The following SRCAP variants were observed in gnomAD, a reference collection of about 807,000 sequenced individuals.
SRCAP encodes the protein Snf2 related CREBBP activator protein.
In SRCAP, 46 loss-of-function variants were observed where a neutral mutation model predicts 263.1. The observed-to-expected ratio is 0.17, with a 90% CI of 0.14 to 0.22. The LOEUF (loss-of-function observed/expected upper bound fraction) is 0.22, where lower values mean the gene tolerates loss of function less well. SRCAP is among the 10% of genes least tolerant of loss of function. The pLI is 1.00. For missense variants in SRCAP, 3,695 were observed against 4,181.9 expected (o/e 0.88, Z 3.21); for synonymous variants, 1,813 against 1,662.1 (o/e 1.09, Z -2.21).
Position 30,721,316 on chromosome 16 carries a change from G to A in SRCAP, c.3381G>A (p.Leu1127=), listed in dbSNP as rs1278451973. ...SPAPPPGSSS[L]LKPLTVPPGY... ...CCCCACCTCCAGGCTCCTCTAGCCT[G>A]TTGAAGCCCCTGACAGTGCCACCAG... The change falls in exon 21 of 34, where the codon CTG becomes CTA. Residue 1127 remains leucine, a synonymous_variant. Transcript: ENST00000262518. The A allele has an allele frequency of 6.2e-7, 1 of 1,614,158 alleles. No homozygotes were observed. The highest frequency in any genetic ancestry group is 1.1e-5 in the South Asian group (1 of 91,088).
In SRCAP at chr16:30,721,285, G is replaced by A. The variant is rs1197958090; in HGVS notation, c.3350G>A (p.Ser1117Asn). 2 of 1,614,124 alleles carry A rather than the reference G, an allele frequency of 1.2e-6. No homozygotes were observed. Among genetic ancestry groups the A allele is most frequent in the Admixed American group, 1.7e-5 (1 of 60,030 alleles). Residue 1117 changes from serine to asparagine, a missense_variant, in exon 21 of 34, where the codon AGC becomes AAC. This residue lies in a region of SRCAP where 1,347 missense variants were observed against 1,304.4 expected (regional missense o/e 1.03). Coordinates refer to ENST00000262518, the MANE Select transcript of SRCAP (RefSeq NM_006662.3). ...ACACCACCTGCCCCAGTTCGCCTGA[G>A]CCCAGCCCCACCTCCAGGCTCCTCT... ...KPTPPAPVRL[S>N]PAPPPGSSSL...
chr16:30,718,196 G>T (rs563389555), intron 18 of SRCAP, among the ~76,000 whole-genome samples: 1 of 151,850 alleles, frequency 6.6e-6, no homozygotes, highest in East Asian at 1.9e-4. Flanking sequence ...GGGTGGGGGG[G>T]GCAGAGTTCT....
chr16:30,699,255 C>T lies in SRCAP; in HGVS notation c.-284+13C>T. ...TTGTTGGCTTCTGGTGAGCTCGGGT[C>T]TTGGGAACGTGTGGCGGAGTAGGGA... On this transcript the variant is annotated intron_variant, in intron 1 of 33. Coordinates refer to ENST00000262518, the MANE Select transcript of SRCAP (RefSeq NM_006662.3). 2.5e-6 allele frequency: 1 copy of T among 398,634 alleles called. No individual in the cohort carries two copies. 24.7% of individuals were successfully genotyped at this position (398,634 alleles called of 1,614,324 possible). A position where few individuals can be genotyped will look rare whatever the true frequency, so the allele number is the denominator to read the frequency against.
chr16:30,708,118 C>T (rs988288555), intron 6 of SRCAP, among the ~76,000 whole-genome samples: 2 of 152,206 alleles, frequency 1.3e-5, no homozygotes, highest in Non-Finnish European at 2.9e-5. Flanking sequence ...ACTCCACACC[C>T]ACCTTTCTTT....
Position 30,723,666 on chromosome 16 carries a change from A to G in SRCAP, c.4242A>G (p.Pro1414=). The G allele has an allele frequency of 6.2e-7, 1 of 1,613,550 alleles. No individual in the cohort carries two copies. Among genetic ancestry groups the G allele is most frequent in the South Asian group, 1.1e-5 (1 of 91,056 alleles). Residue 1414 remains proline, a synonymous_variant, in exon 25 of 34, where the codon CCA becomes CCG. Coordinates refer to ENST00000262518, the MANE Select transcript of SRCAP (RefSeq NM_006662.3). Reference sequence around the variant, plus strand: ...CCCTCCCTGGGCCAGCCTCTTCTCCAATGCCAATTCCCAACTCCTCTCCCC... The same window carrying G: ...CCCTCCCTGGGCCAGCCTCTTCTCCGATGCCAATTCCCAACTCCTCTCCCC... ...PSSLPGPASS[P]MPIPNSSPLA...
intron 14 of SRCAP, 47 bp from the exon 15 acceptor site, chr16:30,713,161 C>A: frequency 1.3e-6 from 2 of 1,587,242 alleles, no homozygotes; most frequent in African/African-American, 1.3e-5. Flanking sequence ...CCTTTGCTCT[C>A]TTCTTTTCAT....
At chr16:30,717,674 G>T (rs2052965821) in intron 18 of SRCAP, among the ~76,000 whole-genome samples, 1 of 139,600 alleles carries the variant, frequency 7.2e-6, no homozygotes, top group African/African-American at 2.8e-5. Flanking sequence ...GTGCAGTGGT[G>T]CCATCTTGGC....
chr16:30,721,296 C>A lies in SRCAP; in HGVS notation c.3361C>A (p.Pro1121Thr). The A allele has an allele frequency of 6.2e-7, 1 of 1,614,220 alleles. No homozygotes were observed. Among genetic ancestry groups the A allele is most frequent in the East Asian group, 2.2e-5 (1 of 44,890 alleles). ...CCCAGTTCGCCTGAGCCCAGCCCCA[C>A]CTCCAGGCTCCTCTAGCCTGTTGAA... Reference protein sequence around the residue: ...PAPVRLSPAPPPGSSSLLKPL... With the variant: ...PAPVRLSPAPTPGSSSLLKPL... Residue 1121 changes from proline (P) to threonine (T), a missense_variant, in exon 21 of 34, where the codon CCT becomes ACT. Physicochemically the swap from Pro to Thr is conservative, Grantham distance 38. Transcript: ENST00000262518.
chr16:30,725,202 C>G, intron 25 of SRCAP, 120 bp downstream of exon 25: 1 of 1,469,304 alleles, frequency 6.8e-7, no homozygotes, highest in Non-Finnish European at 9.0e-7. Flanking sequence ...TGTTATGGAC[C>G]AAGTACTTGA....
chr16:30,735,567 CT>C (rs10663863), intron 31 of SRCAP, among the ~76,000 whole-genome samples: 10 of 69,594 alleles, frequency 1.4e-4, no homozygotes, highest in Admixed American at 6.8e-4. Context: ...TTTGACATTA[CT>C]TTTTTTTTTT....
At position 30,739,851 on chromosome 16, in the gene SRCAP, C is replaced by T. The variant is rs2053207642; in HGVS notation, c.*118C>T. ...GAAAGCCTCCAGGGAGACATAGGGG[C>T]CTTCTCCCTTCTTCCCACCAAAGTA... On this transcript the variant is annotated 3_prime_UTR_variant, in exon 34 of 34. Transcript: ENST00000262518. The T allele has an allele frequency of 2.2e-6, 3 of 1,385,044 alleles. No individual in the cohort carries two copies. Among genetic ancestry groups the T allele is most frequent in the Non-Finnish European group, 1.9e-6 (2 of 1,060,998 alleles). The allele number at this position is 1,385,044 out of a possible 1,614,324, so 85.8% of individuals were successfully genotyped here. A position where few individuals can be genotyped will look rare whatever the true frequency, so the allele number is the denominator to read the frequency against.
At chr16:30,714,222 G>A (rs1234921961) in intron 16 of SRCAP, among the ~76,000 whole-genome samples, 2 of 151,790 alleles carry the variant, frequency 1.3e-5, no homozygotes, top group Non-Finnish European at 2.9e-5. Flanking sequence ...CCACCACCAC[G>A]CCGGGCTAAT....
Position 30,710,752 on chromosome 16 carries a change from A to T in SRCAP, c.1135-2A>T. 1 of 1,614,184 alleles carries T rather than the reference A, an allele frequency of 6.2e-7. No individual in the cohort carries two copies. Among genetic ancestry groups the T allele is most frequent in the Non-Finnish European group, 8.5e-7 (1 of 1,180,026 alleles). ...TTCCCTTTTTTATCTTTTGCCATAC[A>T]GATAAAGCCCCCACCCTCTGCTGTC... On this transcript the variant is annotated splice_acceptor_variant, in intron 8 of 33. Transcript: ENST00000262518. LOFTEE classifies it high-confidence loss of function.
rs144689786 is a variant in SRCAP, at chr16:30,720,205, G to C, written c.2861G>C (p.Arg954Pro). 6.2e-7 allele frequency: 1 copy of C among 1,613,710 alleles called. No homozygotes were observed. The highest frequency in any genetic ancestry group is 8.5e-7 in the Non-Finnish European group (1 of 1,179,728). ...TTTGACCTTATTGGCCTGGAAGGTC[G>C]TGTCTCTCGATATGAGGCAGACACA... ...GRFDLIGLEGRVSRYEADTFL... is the reference protein window; with the variant it reads ...GRFDLIGLEGPVSRYEADTFL... The change falls in exon 19 of 34, where the codon CGT becomes CCT. Residue 954 changes from arginine (R) to proline (P), a missense_variant. Coordinates refer to ENST00000262518, the MANE Select transcript of SRCAP (RefSeq NM_006662.3).
chr16:30,712,598 A>G, intron 13 of SRCAP, 81 bp from the exon 14 acceptor site: 1 of 1,586,422 alleles, frequency 6.3e-7, no homozygotes, highest in Non-Finnish European at 8.6e-7. Context: ...GAAGGGCCAA[A>G]GGGTGGCCAG....
chr16:30,728,438 G>A (rs936370594), intron 25 of SRCAP, among the ~76,000 whole-genome samples: 6 of 152,196 alleles, frequency 3.9e-5, no homozygotes, highest in Non-Finnish European at 8.8e-5. Flanking sequence ...TCACTGCCGG[G>A]TTGCCCATTT....
At chr16:30,701,802 A>G (rs2052769817) in intron 3 of SRCAP, among the ~76,000 whole-genome samples, 1 of 146,948 alleles carries the variant, frequency 6.8e-6, no homozygotes, top group Non-Finnish European at 1.5e-5. Context: ...GCTAGTTTTT[A>G]TATTTTTGTA....
chr16:30,735,364 T>A (rs2053150694), intron 31 of SRCAP, among the ~76,000 whole-genome samples: 2 of 151,464 alleles, frequency 1.3e-5, no homozygotes, highest in South Asian at 4.2e-4. Context: ...GCCGGGATGG[T>A]CTCGATCTCC....
chr16:30,699,472 A>G (rs2052741231), intron 1 of SRCAP, among the ~76,000 whole-genome samples: 1 of 152,056 alleles, frequency 6.6e-6, no homozygotes, highest in Non-Finnish European at 1.5e-5. Context: ...AGGCGCAGGT[A>G]TGGGATATAC....
Sources: allele counts gnomAD v4.1 joint callset (sites outside exome capture counted in the v4.1 genomes callset), GRCh38; gene constraint gnomAD v4.1.1; regional missense constraint gnomAD v4.1.1; transcripts MANE v1.5; gene names NCBI Gene and HGNC (gene_info 2026-07-23, HGNC 2026-07-21).